RGS7: variants seen among roughly 807,000 people sequenced by gnomAD.
RGS7 encodes the protein regulator of G protein signaling 7.
A neutral mutation model predicts 81.1 loss-of-function variants in RGS7; 27 were observed. The observed-to-expected ratio is 0.33, with a 90% CI of 0.25 to 0.46. The LOEUF is 0.46. Among genes scored for constraint, RGS7 ranks in the 20% least tolerant of loss-of-function variants. The probability of loss-of-function intolerance (pLI) is 1.00; values close to 1 mark genes in which losing one functional copy is unlikely to be tolerated. For missense variants in RGS7, 396 were observed against 607.4 expected (o/e 0.65, Z 3.66); for synonymous variants, 208 against 207.7 (o/e 1.00, Z -0.01).
intron 3 of RGS7, among the ~76,000 whole-genome samples, chr1:240,988,430 A>T (rs1400467893): frequency 6.6e-6 from 1 of 152,134 alleles, no homozygotes; most frequent in African/African-American, 2.4e-5. Flanking sequence ...ACACTGCAGA[A>T]TTTCAGTTTA....
intron 2 of RGS7, among the ~76,000 whole-genome samples, chr1:241,195,423 C>T (rs1243892321): frequency 2.6e-5 from 4 of 151,992 alleles, no homozygotes; most frequent in Non-Finnish European, 2.9e-5. Context: ...GTGCAGTGAG[C>T]CGAGATCGCG....
chr1:241,188,699 T>C (rs2072344395), intron 2 of RGS7, among the ~76,000 whole-genome samples: 1 of 152,192 alleles, frequency 6.6e-6, no homozygotes, highest in Admixed American at 6.5e-5. Flanking sequence ...CTAAGACTAA[T>C]ATTAATTGAC....
At chr1:240,839,026 A>C (rs920790116) in intron 9 of RGS7, among the ~76,000 whole-genome samples, 2 of 152,136 alleles carry the variant, frequency 1.3e-5, no homozygotes, top group African/African-American at 4.8e-5. Context: ...TGGCCTCCCA[A>C]AGTGCTGGGA....
intron 3 of RGS7, among the ~76,000 whole-genome samples, chr1:241,056,053 AC>A: frequency 6.6e-6 from 1 of 152,116 alleles, no homozygotes; most frequent in Non-Finnish European, 1.5e-5. Flanking sequence ...CAAGCCCCTG[AC>A]CTGTATGATC....
chr1:241,049,521 G>A (rs2061135793), intron 3 of RGS7, among the ~76,000 whole-genome samples: 1 of 152,200 alleles, frequency 6.6e-6, no homozygotes, highest in South Asian at 2.1e-4. Context: ...CTTTGCTACA[G>A]TGGGTAGTCA....
chr1:241,020,671 A>C (rs1475103102), intron 3 of RGS7, among the ~76,000 whole-genome samples: 1 of 152,184 alleles, frequency 6.6e-6, no homozygotes, highest in Non-Finnish European at 1.5e-5. Flanking sequence ...TGTATTAGTT[A>C]AGTCAGCTGT....
intron 4 of RGS7, among the ~76,000 whole-genome samples, chr1:240,957,519 C>A (rs1397070340): frequency 1.3e-5 from 2 of 152,158 alleles, no homozygotes; most frequent in Non-Finnish European, 2.9e-5. Flanking sequence ...TTAGTCCTGT[C>A]CCTCTAGAGA....
At chr1:241,053,378 C>T (rs1487635917) in intron 3 of RGS7, among the ~76,000 whole-genome samples, 1 of 152,146 alleles carries the variant, frequency 6.6e-6, no homozygotes, top group African/African-American at 2.4e-5. Context: ...AGTAAATATT[C>T]TAAATACTGA....
At chr1:241,120,121 T>A (rs868437354) in intron 2 of RGS7, among the ~76,000 whole-genome samples, 9 of 152,282 alleles carry the variant, frequency 5.9e-5, no homozygotes, top group African/African-American at 1.9e-4. Flanking sequence ...GCCCTGCCCA[T>A]CCTCAATGCA....
chr1:241,321,742 T>C (rs2081226288), intron 2 of RGS7, among the ~76,000 whole-genome samples: 1 of 152,180 alleles, frequency 6.6e-6, no homozygotes, highest in East Asian at 1.9e-4. Context: ...TAACCTTCTA[T>C]AATCTATTAT....
chr1:241,004,327 G>A (rs1195410732), intron 3 of RGS7, among the ~76,000 whole-genome samples: 4 of 152,052 alleles, frequency 2.6e-5, no homozygotes, highest in African/African-American at 9.7e-5. Context: ...CCACAATAAT[G>A]AGTATACATC....
chr1:240,993,636 TTCTTTTAC>T (rs1686850506), intron 3 of RGS7, among the ~76,000 whole-genome samples: 1 of 152,144 alleles, frequency 6.6e-6, no homozygotes, highest in African/African-American at 2.4e-5. Context: ...TACAGATAAT[TTCTTTTAC>T]TCTGTACCTT....
chr1:241,187,268 C>A (rs566822565), intron 2 of RGS7, among the ~76,000 whole-genome samples: 5 of 152,120 alleles, frequency 3.3e-5, no homozygotes, highest in African/African-American at 1.2e-4. Flanking sequence ...GGAAATCAAG[C>A]ATTTTACTCT....
intron 4 of RGS7, among the ~76,000 whole-genome samples, chr1:240,939,004 T>C (rs374023104): frequency 1.3e-5 from 2 of 152,260 alleles, no homozygotes; most frequent in East Asian, 3.9e-4. Flanking sequence ...CTGTCTTCTG[T>C]TACTTTCATT....
rs186675810 is a variant in RGS7, at chr1:241,088,780, G to A, written c.175+9886C>T. Among the ~76,000 whole-genome samples, 176 of 151,934 alleles carry A rather than the reference G, an allele frequency of 1.2e-3. 1 individual carries two copies. The East Asian group carries it at 0.026, about 23-fold the overall frequency. On this transcript the variant is annotated intron_variant, in intron 3 of 18. Transcript: ENST00000440928. ...GAACAGGAGCACTTTGGGAGGAAGAGGTGGGCAGATCACGAGGTCAGGAGA... is the reference window on the plus strand; with the variant it reads ...GAACAGGAGCACTTTGGGAGGAAGAAGTGGGCAGATCACGAGGTCAGGAGA...
intron 4 of RGS7, among the ~76,000 whole-genome samples, chr1:240,961,701 C>T (rs261854): frequency 0.94 from 142,368 of 152,242 alleles, 67,044 homozygotes; most frequent in East Asian, 0.99. Flanking sequence ...TGAACTGGTA[C>T]CTTTCTGAGG....
rs376720394 is a variant in RGS7, at chr1:240,821,546, G to A, written c.685-5131C>T. 1.4e-4 allele frequency among the ~76,000 whole-genome samples: 21 copies of A among 152,284 alleles called. No homozygotes were observed. The East Asian group carries it at 3.7e-3, about 27-fold the overall frequency. ...TACCCTTTACTTGACACACTTTTGTGTTGTTCTAAGACAAGAGTAGTTTAT... is the reference window on the plus strand; with the variant it reads ...TACCCTTTACTTGACACACTTTTGTATTGTTCTAAGACAAGAGTAGTTTAT... On this transcript the variant is annotated intron_variant, in intron 10 of 18. Coordinates refer to ENST00000440928, the MANE Select transcript of RGS7 (RefSeq NM_001364886.1).
intron 4 of RGS7, 68 bp downstream of exon 4, chr1:240,983,011 C>T (rs1184125640): frequency 6.9e-6 from 6 of 863,510 alleles, no homozygotes; most frequent in African/African-American, 1.7e-5. Context: ...TTAAAATATC[C>T]CTGATGAAAC....
At chr1:241,309,775 TGGCATAGGA>T (rs1338592875) in intron 2 of RGS7, among the ~76,000 whole-genome samples, 1 of 152,246 alleles carries the variant, frequency 6.6e-6, no homozygotes, top group African/African-American at 2.4e-5. Context: ...TTTGCTTCTC[TGGCATAGGA>T]GGCAAGGCAA....
Sources: gnomAD v4.1 joint callset for allele counts (sites outside exome capture counted in the v4.1 genomes callset) on GRCh38, gnomAD v4.1.1 for gene constraint, MANE v1.5 for transcripts, NCBI Gene and HGNC (gene_info 2026-07-23, HGNC 2026-07-21) for gene names.